The following ATP5F1A variants were observed in gnomAD, a reference collection of about 807,000 sequenced individuals.
The protein encoded by ATP5F1A is ATP synthase F(1) complex subunit alpha, mitochondrial.
Under a neutral mutation model 57.4 loss-of-function variants are expected in ATP5F1A, and 24 were observed. The observed-to-expected ratio is 0.42, with a 90% CI of 0.30 to 0.59. The LOEUF (loss-of-function observed/expected upper bound fraction) is 0.59, where lower values mean the gene tolerates loss of function less well. ATP5F1A is among the 20% of genes least tolerant of loss of function. The pLI is 0.19. For missense variants in ATP5F1A, 494 were observed against 707.9 expected, an observed-to-expected ratio of 0.70 and a Z score of 3.43; for synonymous variants, 251 against 255.5, an observed-to-expected ratio of 0.98 and a Z score of 0.17.
At chr18:46,097,513 GCA>G (rs1911050185) in intron 1 of ATP5F1A, among the ~76,000 whole-genome samples, 1 of 152,124 alleles carries the variant, frequency 6.6e-6, no homozygotes, top group Non-Finnish European at 1.5e-5. Context: ...GTGCCACAAA[GCA>G]CACACTCTGC....
chr18:46,087,737 G>A (rs1203873449), intron 6 of ATP5F1A: 11 of 470,830 alleles, frequency 2.3e-5, no homozygotes, highest in Admixed American at 7.2e-5. Flanking sequence ...AAAATTAGCC[G>A]GACGTGGTGG....
At chr18:46,099,566 C>T (rs1253805609), upstream of ATP5F1A, among the ~76,000 whole-genome samples, 2 of 152,080 alleles carry the variant, frequency 1.3e-5, no homozygotes, top group East Asian at 1.9e-4. Flanking sequence ...AATCCTCTGA[C>T]CTCAGCCTGT....
At chr18:46,103,441 G>T (rs1270047898) in intron 1 of ATP5F1A, among the ~76,000 whole-genome samples, 2 of 150,138 alleles carry the variant, frequency 1.3e-5, no homozygotes, top group Non-Finnish European at 3.0e-5. Context: ...TCTTTACTAA[G>T]ATACAAAAAA....
chr18:46,103,235 G>A (rs142510355), upstream of ATP5F1A, among the ~76,000 whole-genome samples: 981 of 150,884 alleles, frequency 6.5e-3, 3 homozygotes, highest in Non-Finnish European at 9.9e-3. Context: ...CCTGGGGACG[G>A]GGGTTGGAGG....
At chr18:46,095,987 C>T (rs1910919357) in intron 1 of ATP5F1A, among the ~76,000 whole-genome samples, 1 of 152,004 alleles carries the variant, frequency 6.6e-6, no homozygotes, top group Non-Finnish European at 1.5e-5. Context: ...CTCCCAGGTT[C>T]AAGCGATTCT....
At position 46,082,838 on chromosome 18, in the gene ATP5F1A, CAGG is replaced by C. The variant is rs1352425895; in HGVS notation, c.*1441_*1443del. On this transcript the variant is annotated 3_prime_UTR_variant, in exon 12 of 12. Transcript: ENST00000398752. ...AGCTGAGGCGGGCAGACCACGAGGT[CAGG>C]AGCTCAAGAGCAGCATGGCCAACAT... 1 of 151,890 alleles carries C rather than the reference CAGG, an allele frequency of 6.6e-6. No homozygotes were observed. The highest frequency in any genetic ancestry group is 1.5e-5 in the Non-Finnish European group (1 of 68,010). 9.4% of individuals were successfully genotyped at this position (151,890 alleles called of 1,614,324 possible). A position where few individuals can be genotyped will look rare whatever the true frequency, so the allele number is the denominator to read the frequency against.
At position 46,098,164 on chromosome 18, in the gene ATP5F1A, G is replaced by A. The variant is rs1468465078; in HGVS notation, c.60+8C>T. The A allele has an allele frequency of 1.1e-5, 18 of 1,601,890 alleles. No homozygotes were observed. In the East Asian group the frequency reaches 3.6e-4, roughly 32 times the overall value. On this transcript the variant is annotated splice_region_variant and intron_variant, in intron 1 of 11. Transcript: ENST00000398752. ...GCCGCCTGCATCATGCCGGCCTTCG[G>A]TGCTCACCAGTCCGGCCCGCCGAGG...
chr18:46,087,649 G>A (rs1910219209), intron 6 of ATP5F1A, 157 bp from the exon 7 acceptor site: 3 of 817,088 alleles, frequency 3.7e-6, no homozygotes. Flanking sequence ...GGAGGCCCTA[G>A]GCGGGTGATC....
chr18:46,089,219 T>C (rs1400377591), intron 5 of ATP5F1A, among the ~76,000 whole-genome samples: 1 of 152,194 alleles, frequency 6.6e-6, no homozygotes, highest in Non-Finnish European at 1.5e-5. Flanking sequence ...ATACTTTGTA[T>C]CTGTGTCTTA....
In ATP5F1A at chr18:46,086,467, T is replaced by C. The variant is rs1199284578; in HGVS notation, c.1204A>G (p.Lys402Glu). 1.2e-6 allele frequency: 2 copies of C among 1,614,124 alleles called. No individual in the cohort carries two copies. The highest frequency in any genetic ancestry group is 1.7e-6 in the Non-Finnish European group (2 of 1,180,020). The change falls in exon 9 of 12, where the codon AAA (lysine) becomes GAA (glutamate). Residue 402 changes from lysine to glutamate, a missense_variant. By Grantham distance (56) the Lys-to-Glu change is moderately conservative. Coordinates refer to ENST00000398752, the MANE Select transcript of ATP5F1A (RefSeq NM_004046.6). Reference protein sequence around the residue: ...QIFLETELFYKGIRPAINVGL... With the variant: ...QIFLETELFYEGIRPAINVGL... ...ACGTTAATTGCAGGGCGGATACCTTTGTAGAACAATTCTGTTTCCAAGAAG... is the reference window on the plus strand; with the variant it reads ...ACGTTAATTGCAGGGCGGATACCTTCGTAGAACAATTCTGTTTCCAAGAAG...
chr18:46,087,156 T>C lies in ATP5F1A; in HGVS notation c.1028A>G (p.Tyr343Cys). Residue 343 changes from tyrosine to cysteine, a missense_variant, in exon 8 of 12, where the codon TAC becomes TGC. This residue lies in a region of ATP5F1A where 15 missense variants were observed against 49.5 expected (regional missense o/e 0.30). Coordinates refer to ENST00000398752, the MANE Select transcript of ATP5F1A (RefSeq NM_004046.6). ...GREAYPGDVFYLHSRLLERAA... is the reference protein window; with the variant it reads ...GREAYPGDVFCLHSRLLERAA... ...TCTCTCCAGCAACCGGGAGTGTAGG[T>C]AGAACACATCACCAGGATAGGCCTC... 1 of 1,614,122 alleles carries C rather than the reference T, an allele frequency of 6.2e-7. No homozygotes were observed. The highest frequency in any genetic ancestry group is 8.5e-7 in the Non-Finnish European group (1 of 1,180,020).
At position 46,088,162 on chromosome 18, in the gene ATP5F1A, A is replaced by G. The variant is rs1301053472; in HGVS notation, c.746T>C (p.Ile249Thr). The change falls in exon 6 of 12, where the codon ATT becomes ACT. Residue 249 changes from isoleucine to threonine, a missense_variant. Ile to Thr is a moderately conservative substitution (Grantham distance 89, BLOSUM62 -1). Around this residue, in one of 6 missense-constraint regions of ATP5F1A, gnomAD observed 191 missense variants for 267.7 expected, o/e 0.71. Transcript: ENST00000398752. ...KKKLYCIYVA[I>T]GQKRSTVAQL... The stretch of plus-strand genomic sequence containing the variant: ...GGCAACAGTGGATCTCTTTTGACCA[A>G]TAGCAACATAAATACAGTACAGCTT... The G allele has an allele frequency of 3.1e-6, 5 of 1,605,006 alleles. No homozygotes were observed. Among genetic ancestry groups the G allele is most frequent in the Non-Finnish European group, 4.2e-6 (5 of 1,178,308 alleles).
rs1196327526 is a variant in ATP5F1A, at chr18:46,084,156, T to A, written c.*126A>T. The A allele has an allele frequency of 1.3e-6, 1 of 762,558 alleles. No homozygotes were observed. Among genetic ancestry groups the A allele is most frequent in the East Asian group, 2.8e-5 (1 of 35,606 alleles). The allele number at this position is 762,558 out of a possible 1,614,324, so 47.2% of individuals were successfully genotyped here. On this transcript the variant is annotated 3_prime_UTR_variant, in exon 12 of 12. Coordinates refer to ENST00000398752, the MANE Select transcript of ATP5F1A (RefSeq NM_004046.6). ...AATGACAGAAAACAACTATGCATTATGGAACCTTTATTTTTCATGTGATTT... is the reference window on the plus strand; with the variant it reads ...AATGACAGAAAACAACTATGCATTAAGGAACCTTTATTTTTCATGTGATTT...
At chr18:46,095,229 G>C (rs1367698622) in intron 1 of ATP5F1A, 98 bp from the exon 2 acceptor site, 2 of 1,101,386 alleles carry the variant, frequency 1.8e-6, no homozygotes, top group Non-Finnish European at 2.6e-6. Flanking sequence ...CAAAGTACTG[G>C]TGAAAATGCT....
In ATP5F1A at chr18:46,097,000, A is replaced by C. The variant is rs1348649844; in HGVS notation, c.60+1172T>G. On this transcript the variant is annotated intron_variant, in intron 1 of 11. Transcript: ENST00000398752. ...ACCATCTCAAAAAAAAAAAAAAAAA[A>C]AAAAAACAAGCAAACAAAAACTGAA... Among the ~76,000 whole-genome samples the C allele has an allele frequency of 2.5e-4, 38 of 151,668 alleles. No homozygotes were observed. In the East Asian group the frequency reaches 7.0e-3, roughly 28 times the overall value.
rs933595942 is a variant in ATP5F1A, at chr18:46,081,837, C to G, written c.*2445G>C. ...AACTGCTATCAAGTTTAGTGTTCCTCTAAGTACTGAAAAGGACTTATGAGT... is the reference window on the plus strand; with the variant it reads ...AACTGCTATCAAGTTTAGTGTTCCTGTAAGTACTGAAAAGGACTTATGAGT... On this transcript the variant is annotated 3_prime_UTR_variant, in exon 12 of 12. Coordinates refer to ENST00000398752, the MANE Select transcript of ATP5F1A (RefSeq NM_004046.6). 1 of 151,966 alleles carries G rather than the reference C, an allele frequency of 6.6e-6. No homozygotes were observed. The highest frequency in any genetic ancestry group is 6.6e-5 in the Admixed American group (1 of 15,256). 9.4% of individuals were successfully genotyped at this position (151,966 alleles called of 1,614,324 possible). A position where few individuals can be genotyped will look rare whatever the true frequency, so the allele number is the denominator to read the frequency against.
chr18:46,090,061 C>T (rs1910442559), intron 3 of ATP5F1A, 65 bp from the exon 4 acceptor site: 5 of 543,072 alleles, frequency 9.2e-6, no homozygotes, highest in Non-Finnish European at 1.3e-5. Context: ...TACACCAATA[C>T]TACATAAGAA....
At chr18:46,092,947 A>G (rs551220834) in intron 2 of ATP5F1A, among the ~76,000 whole-genome samples, 71 of 151,708 alleles carry the variant, frequency 4.7e-4, no homozygotes, top group Admixed American at 1.9e-3. Context: ...CAGGAGTTCG[A>G]GACCAGCCTG....
chr18:46,103,546 A>G (rs1911351732), intron 1 of ATP5F1A, among the ~76,000 whole-genome samples: 1 of 139,152 alleles, frequency 7.2e-6, no homozygotes, highest in African/African-American at 2.7e-5. Flanking sequence ...GGTGGCAGTG[A>G]GCTGAGAGCC....
Sources: gnomAD v4.1 joint callset for allele counts (sites outside exome capture counted in the v4.1 genomes callset) on GRCh38, gnomAD v4.1.1 for gene constraint, gnomAD v4.1.1 regional missense constraint, MANE v1.5 for transcripts, NCBI Gene and HGNC (gene_info 2026-07-23, HGNC 2026-07-21) for gene names.